The following PTPRM variants were observed in gnomAD, a reference collection of about 807,000 sequenced individuals.
PTPRM encodes the protein protein tyrosine phosphatase receptor type M, also known as receptor-type tyrosine-protein phosphatase mu.
PTPRM carries 47 observed loss-of-function variants against 186.7 expected under a neutral mutation model. The observed-to-expected ratio is 0.25, with a 90% CI of 0.20 to 0.32. PTPRM has a LOEUF of 0.32. PTPRM is among the 10% of genes least tolerant of loss of function. The probability of loss-of-function intolerance (pLI) is 1.00; values close to 1 mark genes in which losing one functional copy is unlikely to be tolerated. For missense variants in PTPRM, 1,494 were observed against 1,865.0 expected, an observed-to-expected ratio of 0.80 and a Z score of 3.66; for synonymous variants, 668 against 674.9, an observed-to-expected ratio of 0.99 and a Z score of 0.16.
intron 7 of PTPRM, among the ~76,000 whole-genome samples, chr18:8,051,308 A>G (rs2087481539): frequency 6.6e-6 from 1 of 152,216 alleles, no homozygotes; most frequent in Admixed American, 6.5e-5. Flanking sequence ...GAAGTTATGT[A>G]ATATTTGATA....
At chr18:7,841,800 G>A (rs929406737) in intron 2 of PTPRM, among the ~76,000 whole-genome samples, 1 of 152,290 alleles carries the variant, frequency 6.6e-6, no homozygotes, top group Non-Finnish European at 1.5e-5. Context: ...ATGCCATTAC[G>A]ATCTGTAGGT....
intron 14 of PTPRM, among the ~76,000 whole-genome samples, chr18:8,229,321 G>T (rs898222547): frequency 1.2e-4 from 19 of 152,036 alleles, no homozygotes; most frequent in African/African-American, 4.6e-4. Flanking sequence ...CAAAAACAGT[G>T]GCTTCCAAGT....
At chr18:7,962,437 C>T (rs1033033339) in intron 7 of PTPRM, among the ~76,000 whole-genome samples, 44 of 152,154 alleles carry the variant, frequency 2.9e-4, no homozygotes, top group African/African-American at 1.1e-3. Flanking sequence ...CTCAGTGTGC[C>T]TTATGTAGTA....
At chr18:7,832,797 A>G (rs1285183603) in intron 2 of PTPRM, among the ~76,000 whole-genome samples, 4 of 152,150 alleles carry the variant, frequency 2.6e-5, no homozygotes. Context: ...ATTTTTGTAT[A>G]TGGTGAGAGT....
In PTPRM at chr18:8,376,547, A is replaced by G. The variant is rs1400032790; in HGVS notation, c.3412A>G (p.Asn1138Asp). 5 of 1,613,954 alleles carry G rather than the reference A, an allele frequency of 3.1e-6. No homozygotes were observed. The highest frequency in any genetic ancestry group is 1.7e-5 in the Admixed American group (1 of 60,004). Residue 1138 changes from asparagine (N) to aspartate (D), a missense_variant, in exon 26 of 33, where the codon AAC (asparagine) becomes GAC (aspartate). Transcript: ENST00000580170. The stretch of plus-strand genomic sequence containing the variant: ...AAGGGAAGGGGTCGTAGACATCTAC[A>G]ACTGCGTCAGGGAGCTGCGGTCACG... ...AEREGVVDIY[N>D]CVRELRSRRV...
chr18:7,970,813 C>T (rs1466006054), intron 7 of PTPRM, among the ~76,000 whole-genome samples: 4 of 57,870 alleles, frequency 6.9e-5, no homozygotes, highest in East Asian at 4.0e-4. Flanking sequence ...TAAAAGAGGA[C>T]ACAAACAAAT....
chr18:7,774,241 A>G lies in PTPRM; in HGVS notation c.166A>G (p.Lys56Glu). 6.2e-7 allele frequency: 1 copy of G among 1,614,104 alleles called. No individual in the cohort carries two copies. Among genetic ancestry groups the G allele is most frequent in the Non-Finnish European group, 8.5e-7 (1 of 1,179,970 alleles). ...TTGGGAGCAAGTGAACACCTTGACT[A>G]AACCGACTTCTGATCCATGGATGCC... is the stretch of plus-strand genomic sequence containing the variant. The part of the protein sequence containing the change: ...FNWEQVNTLT[K>E]PTSDPWMPSG... Residue 56 changes from lysine (K) to glutamate (E), a missense_variant, in exon 2 of 33, where the codon AAA (lysine) becomes GAA (glutamate). By Grantham distance (56) the Lys-to-Glu change is moderately conservative (BLOSUM62 1). Transcript: ENST00000580170.
chr18:7,738,805 T>C (rs1784624), intron 1 of PTPRM, among the ~76,000 whole-genome samples: 9,681 of 152,192 alleles, frequency 0.064, 369 homozygotes, highest in Middle Eastern at 0.16. Context: ...TGGATAAGAA[T>C]TGGGCCCTTT....
At chr18:8,216,984 A>G (rs1601286137) in intron 14 of PTPRM, among the ~76,000 whole-genome samples, 1 of 152,228 alleles carries the variant, frequency 6.6e-6, no homozygotes, top group African/African-American at 2.4e-5. Context: ...CATGTTGCTT[A>G]TGGAAATAGC....
At chr18:8,067,981 G>A (rs2089209581) in intron 7 of PTPRM, among the ~76,000 whole-genome samples, 1 of 152,122 alleles carries the variant, frequency 6.6e-6, no homozygotes, top group South Asian at 2.1e-4. Flanking sequence ...CTTCTTATTT[G>A]ATTCTCTTTA....
intron 7 of PTPRM, among the ~76,000 whole-genome samples, chr18:7,974,342 A>G (rs2054787909): frequency 6.6e-6 from 1 of 152,182 alleles, no homozygotes; most frequent in Non-Finnish European, 1.5e-5. Context: ...CTAGTTTCTA[A>G]AGTTCTCCAT....
At chr18:8,200,192 T>C (rs2093834651) in intron 14 of PTPRM, among the ~76,000 whole-genome samples, 3 of 151,778 alleles carry the variant, frequency 2.0e-5, no homozygotes, top group Admixed American at 2.0e-4. Flanking sequence ...TAGAGCAAGT[T>C]TGGGGACTTC....
At chr18:7,735,613 T>C (rs562813530) in intron 1 of PTPRM, among the ~76,000 whole-genome samples, 5 of 152,152 alleles carry the variant, frequency 3.3e-5, no homozygotes, top group Non-Finnish European at 7.3e-5. Flanking sequence ...ATTTGCCATA[T>C]TTTGAAATGG....
chr18:8,153,008 G>A lies in PTPRM; in HGVS notation c.2300+9229G>A, dbSNP rs528878386. 2.0e-4 allele frequency among the ~76,000 whole-genome samples: 31 copies of A among 152,104 alleles called. No individual in the cohort carries two copies. The South Asian group carries it at 6.2e-3, about 31-fold the overall frequency. ...TAGGATTACAGGCATGAGCCACTGCGCCTGGCCTTTCCTGGATGTTCTTCG... is the reference window on the plus strand; with the variant it reads ...TAGGATTACAGGCATGAGCCACTGCACCTGGCCTTTCCTGGATGTTCTTCG... On this transcript the variant is annotated intron_variant, in intron 14 of 32. Coordinates refer to ENST00000580170, the MANE Select transcript of PTPRM (RefSeq NM_001105244.2).
intron 1 of PTPRM, among the ~76,000 whole-genome samples, chr18:7,723,881 C>A (rs1400923937): frequency 6.6e-6 from 1 of 152,204 alleles, no homozygotes; most frequent in African/African-American, 2.4e-5. Context: ...AACTTGCACT[C>A]TTTTCCTTGT....
intron 2 of PTPRM, among the ~76,000 whole-genome samples, chr18:7,868,191 A>G (rs1599166733): frequency 6.6e-6 from 1 of 152,118 alleles, no homozygotes. Flanking sequence ...TCTGAAGCCT[A>G]CTGTCAATTT....
intron 2 of PTPRM, among the ~76,000 whole-genome samples, chr18:7,851,466 C>A (rs1231633595): frequency 6.6e-6 from 1 of 152,084 alleles, no homozygotes; most frequent in Non-Finnish European, 1.5e-5. Context: ...GAAAGACATT[C>A]CACCTTCAAA....
chr18:8,052,953 G>A (rs1033089689), intron 7 of PTPRM, among the ~76,000 whole-genome samples: 4 of 152,100 alleles, frequency 2.6e-5, no homozygotes, highest in Admixed American at 1.3e-4. Context: ...ATATTTTCAC[G>A]TTTGTGGTCT....
chr18:8,393,779 TTTG>T (rs71356214), intron 31 of PTPRM, among the ~76,000 whole-genome samples: 105,928 of 150,988 alleles, frequency 0.7, 37,587 homozygotes, highest in East Asian at 0.81. Context: ...TGCCAATGGA[TTTG>T]TTGTTGTTGT....
Sources: gnomAD v4.1 joint callset for allele counts (sites outside exome capture counted in the v4.1 genomes callset) on GRCh38, gnomAD v4.1.1 for gene constraint, MANE v1.5 for transcripts, NCBI Gene and HGNC (gene_info 2026-07-23, HGNC 2026-07-21) for gene names.